USP39: variants seen among roughly 807,000 people sequenced by gnomAD.
USP39 encodes ubiquitin specific peptidase 39, also known as ubiquitin carboxyl-terminal hydrolase 39.
USP39 carries 38 observed loss-of-function variants against 66.4 expected under a neutral mutation model. That is an observed-to-expected ratio of 0.57 (90% confidence interval 0.44 to 0.75). The LOEUF (loss-of-function observed/expected upper bound fraction) is 0.75. Ranked by LOEUF, USP39 falls within the 30% of genes least tolerant of loss-of-function variation. The probability of loss-of-function intolerance (pLI) is 0.00; values close to 1 mark genes in which losing one functional copy is unlikely to be tolerated. For missense variants in USP39, 608 were observed against 714.4 expected, an observed-to-expected ratio of 0.85 and a Z score of 1.70; for synonymous variants, 303 against 274.6, an observed-to-expected ratio of 1.10 and a Z score of -1.02.
chr2:85,633,776 A>G (rs116418357), intron 6 of USP39, among the ~76,000 whole-genome samples: 3,041 of 151,710 alleles, frequency 0.02, 110 homozygotes, highest in African/African-American at 0.07. Context: ...TGTAAAATAA[A>G]AAGAAAAACA....
intron 10 of USP39, 129 bp downstream of exon 10, chr2:85,641,247 A>G (rs1024222459): frequency 9.8e-6 from 11 of 1,124,582 alleles, no homozygotes; most frequent in Admixed American, 5.7e-5. Context: ...CCTACAGTAG[A>G]TAAGAGTTTT....
At chr2:85,612,182 G>A, upstream of USP39, 1 of 971,742 alleles carries the variant, frequency 1.0e-6, no homozygotes. Flanking sequence ...GGGTATGCTT[G>A]ACTTCCACCC....
chr2:85,618,301 C>G (rs1227673118), intron 1 of USP39, among the ~76,000 whole-genome samples: 1 of 151,336 alleles, frequency 6.6e-6, no homozygotes, highest in Non-Finnish European at 1.5e-5. Context: ...CAGTGGCTCA[C>G]GCCTGTAATC....
upstream of USP39, chr2:85,609,731 G>T (rs1673384236): frequency 4.6e-6 from 5 of 1,080,850 alleles, no homozygotes; most frequent in African/African-American, 1.6e-5. Context: ...GCCCAGGCTG[G>T]AGTGCAGTGG....
upstream of USP39, among the ~76,000 whole-genome samples, chr2:85,612,949 C>G (rs574099017): frequency 2.7e-5 from 4 of 145,894 alleles, no homozygotes; most frequent in South Asian, 6.5e-4. Context: ...GCATGAGCCA[C>G]CGTGCCCGGC....
intron 10 of USP39, among the ~76,000 whole-genome samples, chr2:85,642,563 C>T (rs577733941): frequency 1.3e-5 from 2 of 152,278 alleles, no homozygotes; most frequent in South Asian, 4.2e-4. Context: ...AAAAGTTTGT[C>T]CTTCAGAAAG....
intron 10 of USP39, among the ~76,000 whole-genome samples, chr2:85,641,993 A>G (rs75379470): frequency 3.3e-3 from 481 of 146,954 alleles, no homozygotes; most frequent in Non-Finnish European, 5.5e-3. Context: ...AGTAGTATCT[A>G]AAATTAAGAG....
intron 6 of USP39, among the ~76,000 whole-genome samples, chr2:85,635,405 C>A (rs1675687497): frequency 6.6e-6 from 1 of 152,060 alleles, no homozygotes; most frequent in African/African-American, 2.4e-5. Flanking sequence ...ACTAAAAATA[C>A]AAAAATTAGC....
chr2:85,637,542 G>T, intron 8 of USP39, 106 bp downstream of exon 8: 1 of 1,259,490 alleles, frequency 7.9e-7, no homozygotes, highest in Non-Finnish European at 1.1e-6. Context: ...GCCCTGTGAA[G>T]AGGTTCAACA....
At chr2:85,619,107 A>G (rs1674242622) in intron 1 of USP39, 113 bp from the exon 2 acceptor site, 1 of 1,245,270 alleles carries the variant, frequency 8.0e-7, no homozygotes, top group African/African-American at 1.5e-5. Context: ...CCACCCAAAC[A>G]ATAGGAACTC....
upstream of USP39, among the ~76,000 whole-genome samples, chr2:85,615,589 G>A (rs1421641406): frequency 6.6e-6 from 1 of 152,182 alleles, no homozygotes; most frequent in Admixed American, 6.5e-5. Flanking sequence ...TGTGGGAAAC[G>A]ACCTCACGGT....
chr2:85,617,595 A>G (rs985008328), intron 1 of USP39, among the ~76,000 whole-genome samples: 4 of 152,154 alleles, frequency 2.6e-5, no homozygotes, highest in Non-Finnish European at 4.4e-5. Flanking sequence ...CAGCTACTCT[A>G]TAGGATGAGG....
At chr2:85,614,783 G>A (rs1292300477), upstream of USP39, among the ~76,000 whole-genome samples, 2 of 152,188 alleles carry the variant, frequency 1.3e-5, no homozygotes, top group Non-Finnish European at 2.9e-5. Context: ...ACACTCCCAA[G>A]TCTGGATCTG....
chr2:85,637,757 C>T (rs373271515), intron 8 of USP39, among the ~76,000 whole-genome samples: 7 of 152,268 alleles, frequency 4.6e-5, no homozygotes, highest in South Asian at 4.1e-4. Context: ...GTTGCAGTGG[C>T]GCCATCTCAG....
chr2:85,646,639 G>A (rs1466109293), intron 11 of USP39, among the ~76,000 whole-genome samples: 1 of 152,152 alleles, frequency 6.6e-6, no homozygotes, highest in Non-Finnish European at 1.5e-5. Context: ...AATATCCAGA[G>A]GATCTGGAAT....
upstream of USP39, among the ~76,000 whole-genome samples, chr2:85,614,462 C>T (rs1180590706): frequency 1.3e-5 from 2 of 151,268 alleles, no homozygotes; most frequent in African/African-American, 2.4e-5. Flanking sequence ...TGCAGTGAGC[C>T]GAGATCTCAC....
upstream of USP39, among the ~76,000 whole-genome samples, chr2:85,609,262 C>A (rs1673350146): frequency 6.6e-6 from 1 of 152,226 alleles, no homozygotes; most frequent in Non-Finnish European, 1.5e-5. Flanking sequence ...TACTGAGAAT[C>A]ACTGTGAGAT....
chr2:85,618,120 A>G (rs936174397), intron 1 of USP39, among the ~76,000 whole-genome samples: 1 of 151,964 alleles, frequency 6.6e-6, no homozygotes, highest in Non-Finnish European at 1.5e-5. Flanking sequence ...ATGCCCGGCT[A>G]ATTTTTGTAT....
At chr2:85,625,826 T>G (rs1674810854) in intron 5 of USP39, 135 bp downstream of exon 5, 2 of 1,102,848 alleles carry the variant, frequency 1.8e-6, no homozygotes, top group African/African-American at 1.6e-5. Flanking sequence ...TGAGCCAGCC[T>G]GGCCAACATG....
Sources: gnomAD v4.1 joint callset for allele counts (sites outside exome capture counted in the v4.1 genomes callset) on GRCh38, gnomAD v4.1.1 for gene constraint, MANE v1.5 for transcripts, NCBI Gene and HGNC (gene_info 2026-07-23, HGNC 2026-07-21) for gene names.